KIF15: variants seen among roughly 807,000 people sequenced by gnomAD.
KIF15 encodes the protein kinesin family member 15.
KIF15 carries 140 observed loss-of-function variants against 190.6 expected under a neutral mutation model. The observed-to-expected ratio is 0.73, with a 90% CI of 0.64 to 0.84. The LOEUF is 0.84. Among genes scored for constraint, KIF15 ranks in the 40% least tolerant of loss-of-function variants. The pLI is 0.00. For missense variants in KIF15, 1,372 were observed against 1,584.4 expected, an observed-to-expected ratio of 0.87 and a Z score of 2.28; for synonymous variants, 528 against 551.3, an observed-to-expected ratio of 0.96 and a Z score of 0.59.
intron 7 of KIF15, among the ~76,000 whole-genome samples, chr3:44,789,688 A>ATG: frequency 2.1e-5 from 2 of 95,166 alleles, no homozygotes; most frequent in African/African-American, 7.5e-5. Flanking sequence ...ATATATATAT[A>ATG]TATAAAATAG....
In KIF15 at chr3:44,826,962, T is replaced by G. The variant is rs535188361; in HGVS notation, c.2787-497T>G. The G allele has an allele frequency of 2.4e-5, 11 of 455,988 alleles. No homozygotes were observed. The Middle Eastern group carries it at 9.7e-4, about 40-fold the overall frequency. The allele number at this position is 455,988 out of a possible 1,614,324, so 28.2% of individuals were successfully genotyped here. On this transcript the variant is annotated intron_variant, in intron 22 of 34. Transcript: ENST00000326047. ...AATTTGTTTATTCAGTAGGTACTTA[T>G]GGAGTTCTTCCTATGAGGTCGCTTT...
Position 44,812,222 on chromosome 3 carries a change from A to G in KIF15, c.2210A>G (p.Glu737Gly). The change falls in exon 18 of 35, where the codon GAG (glutamate) becomes GGG (glycine). Residue 737 changes from glutamate (E) to glycine (G), a missense_variant. Transcript: ENST00000326047. ...CTTCAAGCCAAACTGGATGAAGAAG[A>G]GCATAAAAACCTAAAGCTTCAGCAG... is the stretch of plus-strand genomic sequence containing the variant. ...SALQAKLDEE[E>G]HKNLKLQQHV... 1 of 1,614,116 alleles carries G rather than the reference A, an allele frequency of 6.2e-7. No individual in the cohort carries two copies. The highest frequency in any genetic ancestry group is 8.5e-7 in the Non-Finnish European group (1 of 1,180,000).
chr3:44,833,617 T>TG (rs984726857), intron 26 of KIF15, among the ~76,000 whole-genome samples: 5 of 138,816 alleles, frequency 3.6e-5, no homozygotes, highest in Non-Finnish European at 8.4e-5. Flanking sequence ...ATGCGAGCGA[T>TG]GGGGAATGGC....
At chr3:44,789,878 A>G (rs562276808) in intron 7 of KIF15, among the ~76,000 whole-genome samples, 80 of 151,984 alleles carry the variant, frequency 5.3e-4, no homozygotes, top group African/African-American at 1.6e-3. Flanking sequence ...AAACTTCTCA[A>G]TAAGAACCCA....
intron 26 of KIF15, among the ~76,000 whole-genome samples, chr3:44,831,271 C>T (rs142461584): frequency 1.8e-4 from 28 of 152,236 alleles, no homozygotes; most frequent in African/African-American, 6.5e-4. Context: ...AAGCTTCCTC[C>T]TCTGGCAGTC....
At chr3:44,863,306 C>G (rs909997674) in intron 6 of KIF15, 3 of 107,006 alleles carry the variant, frequency 2.8e-5, no homozygotes, top group African/African-American at 8.9e-5. Context: ...CCGCACCCCC[C>G]CCCCCCGCCG....
chr3:44,821,259 A>AC (rs1241763767), intron 20 of KIF15, among the ~76,000 whole-genome samples: 13 of 122,718 alleles, frequency 1.1e-4, no homozygotes, highest in South Asian at 2.8e-4. Flanking sequence ...CGGAGGGCTG[A>AC]CCCCCCCACC....
intron 12 of KIF15, 102 bp from the exon 13 acceptor site, chr3:44,801,663 C>A: frequency 1.0e-6 from 1 of 969,130 alleles, no homozygotes; most frequent in Non-Finnish European, 1.6e-6. Context: ...CAAATTTTGC[C>A]TTTAAGATTA....
chr3:44,865,013 T>A (rs1315496966), intron 6 of KIF15: 1 of 1,612,128 alleles, frequency 6.2e-7, no homozygotes. Context: ...TGAAGTTGAG[T>A]CCCTCACAGC....
intron 7 of KIF15, 32 bp from the exon 8 acceptor site, chr3:44,794,185 C>G (rs1706857417): frequency 4.5e-6 from 7 of 1,572,914 alleles, no homozygotes; most frequent in Non-Finnish European, 6.1e-6. Context: ...CTGGTCCTCT[C>G]ATTTCTTTTA....
rs145837852 is a variant in KIF15, at chr3:44,786,534, C to A, written c.599C>A (p.Ala200Glu). ...AAGAAGGGAGTCTTTGTTGTTGGTG[C>A]GGTGGAGCAGGTGGTAACCTCAGCT... ...HIKKGVFVVG[A>E]VEQVVTSAAE... The change falls in exon 7 of 35, where the codon GCG (alanine) becomes GAG (glutamate). Residue 200 changes from alanine to glutamate, a missense_variant. By Grantham distance (107) the Ala-to-Glu change is moderately radical (BLOSUM62 -1). Transcript: ENST00000326047. 6.2e-7 allele frequency: 1 copy of A among 1,612,366 alleles called. No homozygotes were observed. The highest frequency in any genetic ancestry group is 8.5e-7 in the Non-Finnish European group (1 of 1,178,918).
At chr3:44,861,457 G>A (rs1255973603) in intron 6 of KIF15, among the ~76,000 whole-genome samples, 1 of 152,202 alleles carries the variant, frequency 6.6e-6, no homozygotes, top group Non-Finnish European at 1.5e-5. Flanking sequence ...TCTGGGTCTG[G>A]AGGTCCCCAG....
intron 21 of KIF15, 90 bp from the exon 22 acceptor site, chr3:44,826,285 C>T: frequency 6.5e-7 from 1 of 1,549,140 alleles, no homozygotes; most frequent in Non-Finnish European, 8.8e-7. Flanking sequence ...TATACTTGCC[C>T]ACAGTGCCTG....
intron 2 of KIF15, among the ~76,000 whole-genome samples, chr3:44,774,925 C>A (rs1295452077): frequency 6.6e-6 from 1 of 152,110 alleles, no homozygotes; most frequent in Non-Finnish European, 1.5e-5. Flanking sequence ...TATGGTGAAA[C>A]CCTGTCTCTA....
chr3:44,796,277 C>T (rs1308543746), intron 8 of KIF15, among the ~76,000 whole-genome samples: 7 of 152,230 alleles, frequency 4.6e-5, no homozygotes, highest in Admixed American at 6.5e-5. Flanking sequence ...GAGGATCCCT[C>T]GAACCCAGGA....
In KIF15 at chr3:44,863,304, C is replaced by CCCA. The variant is rs1553668739; in HGVS notation, c.*60-10023_*60-10022insACC. The CCCA allele has an allele frequency of 5.9e-5, 6 of 101,480 alleles. 2 individuals are homozygous for CCCA. The East Asian group carries it at 3.6e-3, about 61-fold the overall frequency. The allele number at this position is 101,480 out of a possible 1,614,324, so 6.3% of individuals were successfully genotyped here. On this transcript the variant is annotated intron_variant and NMD_transcript_variant, in intron 6 of 6. Coordinates refer to the KIF15 transcript ENST00000422209. ...ATAAGTATATTTAGATTCCGCACCCCCCCCCCCCGCCGCCTTGTCTCCAGG... is the reference window on the plus strand; with the variant it reads ...ATAAGTATATTTAGATTCCGCACCCCCCACCCCCCCCGCCGCCTTGTCTCCAGG...
At chr3:44,769,374 C>T (rs1009571238) in intron 1 of KIF15, among the ~76,000 whole-genome samples, 16 of 152,148 alleles carry the variant, frequency 1.1e-4, no homozygotes, top group South Asian at 6.2e-4. Flanking sequence ...GAGAAAGTGA[C>T]GTGCCCCTTT....
chr3:44,860,511 A>G (rs1166897837), intron 6 of KIF15, among the ~76,000 whole-genome samples: 2 of 152,190 alleles, frequency 1.3e-5, no homozygotes, highest in East Asian at 3.9e-4. Context: ...CTGGGAATAC[A>G]GGTGCCCGCC....
chr3:44,766,582 T>G (rs1268467674), intron 1 of KIF15, among the ~76,000 whole-genome samples: 2 of 152,116 alleles, frequency 1.3e-5, no homozygotes, highest in Admixed American at 1.3e-4. Flanking sequence ...AGGAACCCCT[T>G]GCAATTAGGA....
Sources: gnomAD v4.1 joint callset for allele counts (sites outside exome capture counted in the v4.1 genomes callset) on GRCh38, gnomAD v4.1.1 for gene constraint, MANE v1.5 for transcripts, NCBI Gene and HGNC (gene_info 2026-07-23, HGNC 2026-07-21) for gene names.